Variants in ANKFN1 observed in about 807,000 individuals in gnomAD.
ANKFN1 encodes the protein ankyrin repeat and fibronectin type-III domain-containing protein 1.
In ANKFN1, 74 loss-of-function variants were observed where a neutral mutation model predicts 108.7. The ratio of observed to expected loss-of-function variants is 0.68; its 90% CI spans 0.56 to 0.83. The LOEUF (loss-of-function observed/expected upper bound fraction) is 0.83, where lower values mean the gene tolerates loss of function less well. ANKFN1 is among the 40% of genes least tolerant of loss of function. ANKFN1 has a pLI of 0.00. For synonymous variants in ANKFN1, 547 were observed against 516.2 expected (o/e 1.06, Z -0.81); for missense variants, 1,505 against 1,382.3 (o/e 1.09, Z -1.41).
rs537940284 is a variant in ANKFN1 at position 56,188,919 on chromosome 17, A to G, written c.-70-23679A>G. Among the ~76,000 whole-genome samples the G allele has an allele frequency of 6.3e-4, 96 of 152,034 alleles. 1 individual carries two copies. Among genetic ancestry groups the G allele is most frequent in the African/African-American group, 2.2e-3 (91 of 41,446 alleles). On this transcript the variant is annotated intron_variant, in intron 1 of 20. Coordinates refer to ENST00000682825, the MANE Select transcript of ANKFN1 (RefSeq NM_001370326.1). ...AGTCCCATTTCCCCATCCTCTAAGG[A>G]GAGCATAGGGACTGGAGACAGAGTT...
chr17:56,386,326 TG>T (rs1018189662), intron 8 of ANKFN1, among the ~76,000 whole-genome samples: 2 of 135,210 alleles, frequency 1.5e-5, no homozygotes, highest in Non-Finnish European at 3.2e-5. Context: ...TGTTGTGGGG[TG>T]GGGGGAGCGG....
chr17:56,145,071 G>A (rs1050279264), intron 4 of ANKFN1, among the ~76,000 whole-genome samples: 4 of 152,250 alleles, frequency 2.6e-5, no homozygotes, highest in South Asian at 2.1e-4. Context: ...GAGCTGAATC[G>A]TTGCCTTGGC....
At chr17:56,090,870 A>G (rs1227985752) in intron 4 of ANKFN1, among the ~76,000 whole-genome samples, 3 of 151,182 alleles carry the variant, frequency 2.0e-5, no homozygotes, top group Non-Finnish European at 4.4e-5. Context: ...GGCATCCCAA[A>G]GTGCTGGGAT....
intron 11 of ANKFN1, among the ~76,000 whole-genome samples, chr17:56,453,700 C>A (rs1350443959): frequency 6.6e-6 from 1 of 152,060 alleles, no homozygotes; most frequent in African/African-American, 2.4e-5. Flanking sequence ...GGCTTGGGAA[C>A]TAATTTTCAG....
intron 5 of ANKFN1, among the ~76,000 whole-genome samples, chr17:56,353,376 ACAGG>A (rs1256445624): frequency 1.3e-5 from 2 of 151,912 alleles, no homozygotes; most frequent in Non-Finnish European, 2.9e-5. Flanking sequence ...AGCTGGGATT[ACAGG>A]CACCCAACAC....
At chr17:56,101,001 C>T (rs1051460361) in intron 4 of ANKFN1, among the ~76,000 whole-genome samples, 1 of 152,052 alleles carries the variant, frequency 6.6e-6, no homozygotes, top group Non-Finnish European at 1.5e-5. Context: ...GCCTTTGGGA[C>T]GTAATCAGAT....
chr17:56,244,039 G>A (rs1917777345), intron 3 of ANKFN1, among the ~76,000 whole-genome samples: 1 of 152,014 alleles, frequency 6.6e-6, no homozygotes, highest in African/African-American at 2.4e-5. Flanking sequence ...TATGAAAGCA[G>A]GAAGGTGGAG....
intron 8 of ANKFN1, among the ~76,000 whole-genome samples, chr17:56,386,384 A>C (rs1209480138): frequency 6.6e-6 from 1 of 152,154 alleles, no homozygotes; most frequent in African/African-American, 2.4e-5. Context: ...TGACAAGTTA[A>C]TGGGTGCAGC....
At chr17:56,454,798 T>G (rs1186171307) in intron 11 of ANKFN1, among the ~76,000 whole-genome samples, 1 of 152,170 alleles carries the variant, frequency 6.6e-6, no homozygotes, top group Non-Finnish European at 1.5e-5. Context: ...TCTGCCCATT[T>G]GGGGTACACT....
At chr17:56,389,237 A>G (rs2047362712) in intron 8 of ANKFN1, among the ~76,000 whole-genome samples, 1 of 152,216 alleles carries the variant, frequency 6.6e-6, no homozygotes, top group Non-Finnish European at 1.5e-5. Context: ...AAAAAACCAA[A>G]CTATTTATAC....
intron 4 of ANKFN1, among the ~76,000 whole-genome samples, chr17:56,105,414 A>T (rs1905727084): frequency 6.6e-6 from 1 of 152,046 alleles, no homozygotes; most frequent in African/African-American, 2.4e-5. Context: ...ACTCGGCTTT[A>T]TGGAACAATT....
intron 8 of ANKFN1, among the ~76,000 whole-genome samples, chr17:56,429,159 AAAC>A (rs1375988078): frequency 6.6e-6 from 1 of 152,256 alleles, no homozygotes; most frequent in East Asian, 1.9e-4. Context: ...TAAAGAAAGA[AAAC>A]AACTTCAGAT....
Position 56,492,246 on chromosome 17 carries a change from G to A in ANKFN1, c.2320G>A (p.Val774Met), listed in dbSNP as rs1263582992. The change falls in exon 19 of 21, where the codon GTG (valine) becomes ATG (methionine). Residue 774 changes from valine (V) to methionine (M), a missense_variant. By Grantham distance (21) the Val-to-Met change is conservative. Transcript: ENST00000682825. ...TCTGTATTGCCGCCTTTCTGCTGTTGTGGAGCTGGATTCTCTGAACACCCA... is the reference window on the plus strand; with the variant it reads ...TCTGTATTGCCGCCTTTCTGCTGTTATGGAGCTGGATTCTCTGAACACCCA... ...ISLYCRLSAV[V>M]ELDSLNTQQS... 1 of 702,590 alleles carries A rather than the reference G, an allele frequency of 1.4e-6. No individual in the cohort carries two copies. The allele number at this position is 702,590 out of a possible 1,614,324, so 43.5% of individuals were successfully genotyped here. A position where few individuals can be genotyped will look rare whatever the true frequency, so the allele number is the denominator to read the frequency against.
intron 8 of ANKFN1, among the ~76,000 whole-genome samples, chr17:56,428,366 T>C (rs2048641574): frequency 1.1e-5 from 1 of 89,426 alleles, no homozygotes; most frequent in Non-Finnish European, 2.8e-5. Context: ...TTTGATTGTT[T>C]CAGGATTTAT....
chr17:56,137,369 A>C (rs1021064598), intron 4 of ANKFN1, among the ~76,000 whole-genome samples: 1 of 152,200 alleles, frequency 6.6e-6, no homozygotes, highest in Non-Finnish European at 1.5e-5. Flanking sequence ...CAATCTCAGC[A>C]ATGCTAAAGA....
intron 4 of ANKFN1, among the ~76,000 whole-genome samples, chr17:56,075,336 C>T (rs969150416): frequency 2.6e-5 from 4 of 152,112 alleles, no homozygotes; most frequent in Admixed American, 6.5e-5. Context: ...TAACAATGTA[C>T]GTGAAGTACC....
At chr17:56,137,094 G>A (rs1437112840) in intron 4 of ANKFN1, among the ~76,000 whole-genome samples, 2 of 152,200 alleles carry the variant, frequency 1.3e-5, no homozygotes, top group Non-Finnish European at 2.9e-5. Flanking sequence ...CCCTCCAGGA[G>A]GTTACAATCT....
At chr17:56,179,454 G>A (rs1911477026) in intron 1 of ANKFN1, among the ~76,000 whole-genome samples, 1 of 152,120 alleles carries the variant, frequency 6.6e-6, no homozygotes. Flanking sequence ...CAGACAACTT[G>A]AAGAACGGAA....
At chr17:56,427,389 C>T (rs946604679) in intron 8 of ANKFN1, among the ~76,000 whole-genome samples, 3 of 152,114 alleles carry the variant, frequency 2.0e-5, no homozygotes, top group African/African-American at 4.8e-5. Flanking sequence ...GCAATGTACA[C>T]GAGTCTTCTG....
Sources: gnomAD v4.1 joint callset for allele counts (sites outside exome capture counted in the v4.1 genomes callset) on GRCh38, gnomAD v4.1.1 for gene constraint, MANE v1.5 for transcripts, NCBI Gene and HGNC (gene_info 2026-07-23, HGNC 2026-07-21) for gene names.